FAM186B: variants seen among roughly 807,000 people sequenced by gnomAD.
The protein encoded by FAM186B is protein FAM186B.
FAM186B carries 68 observed loss-of-function variants against 83.4 expected under a neutral mutation model. The ratio of observed to expected loss-of-function variants is 0.81; its 90% CI spans 0.67 to 1.00. The LOEUF (loss-of-function observed/expected upper bound fraction) is 1.00, where lower values mean the gene tolerates loss of function less well. Among genes scored for constraint, FAM186B ranks in the 50% least tolerant of loss-of-function variants. FAM186B has a pLI of 0.00. For missense variants in FAM186B, 983 were observed against 1,099.2 expected (o/e 0.89, Z 1.49); for synonymous variants, 389 against 422.0 (o/e 0.92, Z 0.96).
intron 4 of FAM186B, 73 bp from the exon 5 acceptor site, chr12:49,599,020 G>A: frequency 6.8e-7 from 1 of 1,475,780 alleles, no homozygotes; most frequent in Admixed American, 2.0e-5. Context: ...AACCAGAGAT[G>A]ACTTTGTTTT....
At chr12:49,605,215 A>G in intron 1 of FAM186B, 167 bp downstream of exon 1, 1 of 1,449,652 alleles carries the variant, frequency 6.9e-7, no homozygotes, top group Non-Finnish European at 9.1e-7. Flanking sequence ...GTATATGCCA[A>G]GTTTAGGAGA....
chr12:49,609,271 T>C (rs374011692), upstream of FAM186B, among the ~76,000 whole-genome samples: 44 of 152,256 alleles, frequency 2.9e-4, no homozygotes, highest in African/African-American at 1.1e-3. Context: ...CATGGTGCAG[T>C]GGGGCCCTCT....
intron 5 of FAM186B, among the ~76,000 whole-genome samples, chr12:49,597,358 T>C (rs984600516): frequency 2.7e-5 from 4 of 148,580 alleles, no homozygotes; most frequent in Non-Finnish European, 5.9e-5. Flanking sequence ...ATGCCATGCA[T>C]AGATGGAAAA....
Position 49,600,432 on chromosome 12 carries a change from T to C in FAM186B, c.1208A>G (p.Asp403Gly), listed in dbSNP as rs199673051. ...STMTVRSRVA[D>G]VFGSKDTESL... ...CTCAGTGTCCTTGCTGCCGAACACA[T>C]CTGCGACCCTCGAGCGCACAGTCAT... is the stretch of plus-strand genomic sequence containing the variant. The change falls in exon 4 of 7, where the codon GAT (aspartate) becomes GGT (glycine). Residue 403 changes from aspartate (D) to glycine (G), a missense_variant. Transcript: ENST00000257894. The surrounding 1 kb of genome is among the most constrained non-coding windows in gnomAD (Gnocchi z 4.3). 338 of 1,613,526 alleles carry C rather than the reference T, an allele frequency of 2.1e-4. 1 individual carries two copies. The highest frequency in any genetic ancestry group is 2.5e-5 in the Non-Finnish European group (30 of 1,179,608).
At chr12:49,601,659 G>C (rs1034355596) in intron 3 of FAM186B, among the ~76,000 whole-genome samples, 1 of 150,972 alleles carries the variant, frequency 6.6e-6, no homozygotes, top group African/African-American at 2.4e-5. Context: ...TTTCCATTTG[G>C]GGGATCCCTT....
upstream of FAM186B, among the ~76,000 whole-genome samples, chr12:49,609,964 G>A (rs1046221220): frequency 1.3e-5 from 2 of 152,128 alleles, no homozygotes; most frequent in South Asian, 2.1e-4. Context: ...ACCCAGCCAC[G>A]CTGGCCACAG....
downstream of FAM186B, chr12:49,584,708 C>T: frequency 1.4e-6 from 1 of 689,830 alleles, no homozygotes; most frequent in Non-Finnish European, 2.6e-6. Flanking sequence ...TTCCCAGAGC[C>T]AAGTCCAGAG....
the FAM186B span, among the ~76,000 whole-genome samples, chr12:49,618,322 C>A: frequency 6.6e-6 from 1 of 150,688 alleles, no homozygotes; most frequent in Non-Finnish European, 1.5e-5. Flanking sequence ...TCCAGCCTGG[C>A]GACAGAGTGA....
the FAM186B span, among the ~76,000 whole-genome samples, chr12:49,611,042 C>G: frequency 6.6e-6 from 1 of 151,252 alleles, no homozygotes; most frequent in Non-Finnish European, 1.5e-5. Flanking sequence ...GAGTTCGAGA[C>G]CAGCCTGACC....
intron 5 of FAM186B, chr12:49,595,663 T>TA: frequency 2.3e-6 from 1 of 425,592 alleles, no homozygotes; most frequent in Non-Finnish European, 4.8e-6. Flanking sequence ...GCAGCTCAAG[T>TA]GAAGGCTCCA....
At chr12:49,599,007 G>T (rs1161466233) in intron 4 of FAM186B, 60 bp from the exon 5 acceptor site, 4 of 1,524,224 alleles carry the variant, frequency 2.6e-6, no homozygotes, top group East Asian at 2.3e-5. Flanking sequence ...CCCCAAGTCT[G>T]TTAACCAGAG....
the FAM186B span, among the ~76,000 whole-genome samples, chr12:49,617,112 C>T: frequency 3.3e-5 from 5 of 152,170 alleles, no homozygotes; most frequent in Non-Finnish European, 7.3e-5. Flanking sequence ...GCTACAACAC[C>T]TTCACCACAG....
At chr12:49,586,944 A>C (rs534303600), downstream of FAM186B, among the ~76,000 whole-genome samples, 2 of 152,294 alleles carry the variant, frequency 1.3e-5, no homozygotes, top group South Asian at 2.1e-4. Flanking sequence ...GACTGGAGGC[A>C]TCAGGACCCT....
chr12:49,585,369 G>A (rs1008638501), downstream of FAM186B, among the ~76,000 whole-genome samples: 2 of 152,188 alleles, frequency 1.3e-5, no homozygotes, highest in African/African-American at 4.8e-5. Context: ...CAAGGGGAGG[G>A]CATAGCACTC....
the FAM186B span, among the ~76,000 whole-genome samples, chr12:49,618,162 C>G: frequency 6.6e-6 from 1 of 152,004 alleles, no homozygotes; most frequent in Non-Finnish European, 1.5e-5. Flanking sequence ...CTGACCAACA[C>G]GGTGAAACCC....
chr12:49,595,805 A>T (rs1361716610), intron 5 of FAM186B: 1 of 182,700 alleles, frequency 5.5e-6, no homozygotes, highest in Non-Finnish European at 1.1e-5. Flanking sequence ...AACACAGTGA[A>T]AACCCGTCTC....
At chr12:49,620,515 A>C in the FAM186B span, among the ~76,000 whole-genome samples, 3 of 147,548 alleles carry the variant, frequency 2.0e-5, no homozygotes, top group African/African-American at 7.4e-5. Flanking sequence ...TAAAAATACA[A>C]AAAAAAAAAA....
At chr12:49,618,283 T>A in the FAM186B span, among the ~76,000 whole-genome samples, 1 of 151,598 alleles carries the variant, frequency 6.6e-6, no homozygotes, top group African/African-American at 2.4e-5. Flanking sequence ...AGTTGGAGGT[T>A]GCAGTGAGCT....
At chr12:49,584,382 G>C, downstream of FAM186B, 1 of 656,862 alleles carries the variant, frequency 1.5e-6, no homozygotes, top group East Asian at 2.7e-5. Context: ...AACCCCCAGA[G>C]GGTTTCTTTA....
Sources: gnomAD v4.1 joint callset for allele counts (sites outside exome capture counted in the v4.1 genomes callset) on GRCh38, gnomAD v4.1.1 for gene constraint, Gnocchi (gnomAD v3.1) non-coding constraint, MANE v1.5 for transcripts, NCBI Gene and HGNC (gene_info 2026-07-23, HGNC 2026-07-21) for gene names.